STPG2: variants seen among roughly 807,000 people sequenced by gnomAD.
STPG2 encodes sperm-tail PG-rich repeat-containing protein 2.
In STPG2, 56 loss-of-function variants were observed where a neutral mutation model predicts 54.2. The observed-to-expected ratio is 1.03, with a 90% confidence interval of 0.83 to 1.29. STPG2 has a LOEUF of 1.29. Ranked by LOEUF, STPG2 falls within the 50% of genes most tolerant of loss-of-function variation. STPG2 has a pLI of 0.00. For synonymous variants in STPG2, 200 were observed against 181.8 expected (o/e 1.10, Z -0.81); for missense variants, 596 against 544.9 (o/e 1.09, Z -0.93).
chr4:97,690,048 A>C (rs1047333765), intron 10 of STPG2, among the ~76,000 whole-genome samples: 1 of 152,204 alleles, frequency 6.6e-6, no homozygotes, highest in Non-Finnish European at 1.5e-5. Context: ...CTTTAAGCAT[A>C]TTTAAATCAA....
At chr4:97,525,128 G>C (rs781192486) in intron 4 of STPG2, among the ~76,000 whole-genome samples, 2 of 151,762 alleles carry the variant, frequency 1.3e-5, no homozygotes, top group African/African-American at 4.8e-5. Flanking sequence ...CTAGCATTTT[G>C]CTCTAATTGT....
intron 4 of STPG2, among the ~76,000 whole-genome samples, chr4:97,470,195 A>G (rs937316411): frequency 6.6e-6 from 1 of 152,104 alleles, no homozygotes; most frequent in African/African-American, 2.4e-5. Context: ...TAACAATAAA[A>G]TAAAGTAAGA....
chr4:97,857,876 A>G (rs1237250354), intron 8 of STPG2, among the ~76,000 whole-genome samples: 4 of 152,176 alleles, frequency 2.6e-5, no homozygotes, highest in African/African-American at 9.6e-5. Context: ...TAGACTTTCT[A>G]GAGTTGAAAC....
intron 10 of STPG2, among the ~76,000 whole-genome samples, chr4:97,582,327 A>G (rs1030657123): frequency 6.6e-6 from 1 of 152,200 alleles, no homozygotes; most frequent in Non-Finnish European, 1.5e-5. Flanking sequence ...TTCAGTGATA[A>G]GCTTGAAAAA....
At chr4:97,573,311 T>C (rs903695650) in intron 10 of STPG2, among the ~76,000 whole-genome samples, 2 of 151,996 alleles carry the variant, frequency 1.3e-5, no homozygotes, top group Non-Finnish European at 2.9e-5. Context: ...TAATATAAGG[T>C]TTTAAATAAG....
At chr4:97,824,180 C>G (rs908747153) in intron 9 of STPG2, among the ~76,000 whole-genome samples, 1 of 152,170 alleles carries the variant, frequency 6.6e-6, no homozygotes, top group South Asian at 2.1e-4. Flanking sequence ...GACTGACAAG[C>G]AGCTGCCTAA....
At chr4:98,073,967 C>T (rs917767704) in intron 5 of STPG2, among the ~76,000 whole-genome samples, 61 of 152,132 alleles carry the variant, frequency 4.0e-4, no homozygotes, top group African/African-American at 1.4e-3. Context: ...CTATAGAAAT[C>T]CTCTCCCCTC....
chr4:97,502,486 G>A (rs1262210769), intron 4 of STPG2, among the ~76,000 whole-genome samples: 1 of 151,920 alleles, frequency 6.6e-6, no homozygotes, highest in Non-Finnish European at 1.5e-5. Context: ...AAAGGCAAAT[G>A]GCTATCATTC....
At chr4:97,798,463 G>A (rs1369400232) in intron 9 of STPG2, among the ~76,000 whole-genome samples, 1 of 152,176 alleles carries the variant, frequency 6.6e-6, no homozygotes, top group African/African-American at 2.4e-5. Context: ...TCAGGAGCAG[G>A]TTGTTCAGAT....
At chr4:98,081,217 CT>C (rs1028614753) in intron 5 of STPG2, among the ~76,000 whole-genome samples, 16 of 152,180 alleles carry the variant, frequency 1.1e-4, no homozygotes, top group Admixed American at 9.8e-4. Context: ...AATACTTCAA[CT>C]TTTTTAAGGA....
chr4:98,095,249 TG>T (rs1738818514), intron 5 of STPG2, among the ~76,000 whole-genome samples: 1 of 151,638 alleles, frequency 6.6e-6, no homozygotes, highest in East Asian at 1.9e-4. Context: ...CAGGAAGGCA[TG>T]AAAAAAGGAA....
intron 9 of STPG2, among the ~76,000 whole-genome samples, chr4:97,723,385 T>C (rs116479435): frequency 6.4e-4 from 98 of 152,248 alleles, no homozygotes; most frequent in Admixed American, 1.2e-3. Flanking sequence ...TGTTCACTAT[T>C]GGGATGACGG....
intron 9 of STPG2, among the ~76,000 whole-genome samples, chr4:97,782,535 A>C (rs1475240482): frequency 6.6e-6 from 1 of 152,232 alleles, no homozygotes; most frequent in East Asian, 1.9e-4. Context: ...TGCCATCCCC[A>C]TCAAGCTACC....
chr4:98,021,729 A>G lies in STPG2; in HGVS notation c.613-40411T>C, dbSNP rs951895344. On this transcript the variant is annotated intron_variant, in intron 5 of 10. Coordinates refer to ENST00000295268, the MANE Select transcript of STPG2 (RefSeq NM_174952.3). ...TATTGGGTGCATATATATTTAGGATAGTTAGCTCTTCTTGTTGAATTGATC... is the reference window on the plus strand; with the variant it reads ...TATTGGGTGCATATATATTTAGGATGGTTAGCTCTTCTTGTTGAATTGATC... Among the ~76,000 whole-genome samples, 27 of 151,870 alleles carry G rather than the reference A, an allele frequency of 1.8e-4. 1 individual carries two copies. Among genetic ancestry groups the G allele is most frequent in the African/African-American group, 6.0e-4 (25 of 41,442 alleles).
At chr4:98,048,529 T>A in intron 5 of STPG2, 1 of 167,908 alleles carries the variant, frequency 6.0e-6, no homozygotes, top group East Asian at 1.4e-4. Context: ...CTGGGCTGTC[T>A]CCTCCGCTTG....
chr4:98,035,340 A>AG (rs1209994296), intron 5 of STPG2, among the ~76,000 whole-genome samples: 1 of 152,192 alleles, frequency 6.6e-6, no homozygotes, highest in African/African-American at 2.4e-5. Context: ...CAACAAACAT[A>AG]GGGAAAAAAA....
At chr4:97,788,752 G>A (rs775003125) in intron 9 of STPG2, among the ~76,000 whole-genome samples, 4 of 151,746 alleles carry the variant, frequency 2.6e-5, no homozygotes, top group Non-Finnish European at 4.4e-5. Context: ...TTTTTAATGT[G>A]TGCAGAACAT....
chr4:97,678,470 T>C (rs966922593), intron 10 of STPG2, among the ~76,000 whole-genome samples: 51 of 152,108 alleles, frequency 3.4e-4, no homozygotes, highest in Non-Finnish European at 6.6e-4. Context: ...ACCTACTGAT[T>C]ATAAAAAGAA....
At chr4:98,135,854 A>G (rs1740120610) in intron 1 of STPG2, among the ~76,000 whole-genome samples, 1 of 151,842 alleles carries the variant, frequency 6.6e-6, no homozygotes. Flanking sequence ...TACTCAGGGT[A>G]AATAGCCAGA....
Sources: allele counts gnomAD v4.1 joint callset (sites outside exome capture counted in the v4.1 genomes callset), GRCh38; gene constraint gnomAD v4.1.1; transcripts MANE v1.5; gene names NCBI Gene and HGNC (gene_info 2026-07-23, HGNC 2026-07-21).